Variants in RBFOX1 observed in about 807,000 individuals in gnomAD.
RBFOX1 encodes RNA binding fox-1 homolog 1.
RBFOX1 carries 8 observed loss-of-function variants against 57.7 expected under a neutral mutation model. The observed-to-expected ratio is 0.14, with a 90% CI of 0.08 to 0.25. The LOEUF (loss-of-function observed/expected upper bound fraction) is 0.25. Ranked by LOEUF, RBFOX1 falls within the 10% of genes least tolerant of loss-of-function variation. The pLI, the probability that RBFOX1 is intolerant of heterozygous loss-of-function variation, is 1.00. For missense variants in RBFOX1, 611 were observed against 548.5 expected (o/e 1.11, Z -1.14); for synonymous variants, 326 against 222.4 (o/e 1.47, Z -4.15).
chr16:6,153,970 CA>C (rs2096820940), intron 1 of RBFOX1, among the ~76,000 whole-genome samples: 1 of 152,164 alleles, frequency 6.6e-6, no homozygotes, highest in South Asian at 2.1e-4. Flanking sequence ...TGTCAAGCAA[CA>C]ACACAATAAA....
intron 4 of RBFOX1, among the ~76,000 whole-genome samples, chr16:7,444,800 G>C (rs1362231474): frequency 6.6e-6 from 1 of 152,060 alleles, no homozygotes; most frequent in Non-Finnish European, 1.5e-5. Context: ...CCAAAGTGTT[G>C]GGGTTACAGG....
chr16:6,433,751 A>G (rs1053355692), intron 2 of RBFOX1, among the ~76,000 whole-genome samples: 1 of 151,350 alleles, frequency 6.6e-6, no homozygotes, highest in Non-Finnish European at 1.5e-5. Context: ...TCCTTGGCTC[A>G]TGGTCCCTTC....
At chr16:6,334,750 C>G (rs543524117) in intron 2 of RBFOX1, among the ~76,000 whole-genome samples, 2 of 152,014 alleles carry the variant, frequency 1.3e-5, no homozygotes, top group African/African-American at 2.4e-5. Flanking sequence ...GGAACTCAGC[C>G]GGAAAGTGCT....
chr16:5,634,463 G>T (rs940106602), intron 3 of RBFOX1, among the ~76,000 whole-genome samples: 1 of 152,106 alleles, frequency 6.6e-6, no homozygotes, highest in African/African-American at 2.4e-5. Flanking sequence ...ATTGCAAAGG[G>T]AGTAAACAAA....
chr16:7,689,658 T>C (rs1257052348), intron 14 of RBFOX1, among the ~76,000 whole-genome samples: 2 of 151,968 alleles, frequency 1.3e-5, no homozygotes, highest in African/African-American at 4.8e-5. Flanking sequence ...AGAGGTAGAA[T>C]ATAGAAAAGT....
chr16:7,345,189 A>T (rs2096972669), intron 4 of RBFOX1, among the ~76,000 whole-genome samples: 2 of 152,200 alleles, frequency 1.3e-5, no homozygotes, highest in South Asian at 4.1e-4. Context: ...TTCTCTGTCA[A>T]ACATGTCAGT....
At chr16:6,213,912 C>A (rs2097314602) in intron 1 of RBFOX1, among the ~76,000 whole-genome samples, 1 of 152,106 alleles carries the variant, frequency 6.6e-6, no homozygotes, top group South Asian at 2.1e-4. Context: ...TTAGCAGCAT[C>A]CCAGCTCTCT....
chr16:7,671,512 A>G lies in RBFOX1; in HGVS notation c.931-5262A>G, dbSNP rs759418918. 6 of 1,527,848 alleles carry G rather than the reference A, an allele frequency of 3.9e-6. No individual in the cohort carries two copies. The African/African-American group carries it at 6.8e-5, about 17-fold the overall frequency. 94.6% of individuals were successfully genotyped at this position (1,527,848 alleles called of 1,614,324 possible). A position where few individuals can be genotyped will look rare whatever the true frequency, so the allele number is the denominator to read the frequency against. ...CTGACTTATGCATTCTCTTTTATTTATTTCATTTTTGCATTGAAAACATTA... is the reference window on the plus strand; with the variant it reads ...CTGACTTATGCATTCTCTTTTATTTGTTTCATTTTTGCATTGAAAACATTA... On this transcript the variant is annotated intron_variant, in intron 13 of 15. Transcript: ENST00000550418.
intron 3 of RBFOX1, among the ~76,000 whole-genome samples, chr16:6,878,584 C>G (rs374517918): frequency 1.3e-5 from 2 of 152,170 alleles, no homozygotes; most frequent in African/African-American, 2.4e-5. Context: ...TCCTGACTGA[C>G]ACATGCAGTG....
intron 1 of RBFOX1, among the ~76,000 whole-genome samples, chr16:6,170,697 A>G (rs1032052385): frequency 2.0e-5 from 3 of 152,070 alleles, no homozygotes; most frequent in African/African-American, 7.2e-5. Flanking sequence ...TCACCCAAGT[A>G]CTAAGCTTAG....
intron 1 of RBFOX1, among the ~76,000 whole-genome samples, chr16:6,114,086 C>T (rs2096473882): frequency 6.6e-6 from 1 of 152,132 alleles, no homozygotes; most frequent in African/African-American, 2.4e-5. Flanking sequence ...GGTATGTTCT[C>T]ATTATTTTTT....
intron 2 of RBFOX1, among the ~76,000 whole-genome samples, chr16:6,453,148 A>C (rs1413087786): frequency 6.6e-6 from 1 of 152,116 alleles, no homozygotes; most frequent in East Asian, 1.9e-4. Context: ...CTTCTGGGAT[A>C]CATGTACAGA....
chr16:5,735,844 C>T (rs1376111327), intron 3 of RBFOX1, among the ~76,000 whole-genome samples: 1 of 152,048 alleles, frequency 6.6e-6, no homozygotes, highest in Admixed American at 6.5e-5. Context: ...CCACTGCACT[C>T]CAGCCTTGGT....
chr16:6,356,758 G>A (rs142656671), intron 2 of RBFOX1, among the ~76,000 whole-genome samples: 1,878 of 152,272 alleles, frequency 0.012, 15 homozygotes, highest in Middle Eastern at 0.027. Context: ...TCCAAGTGCA[G>A]ACTTTAGTTA....
At chr16:6,906,936 C>G (rs1026088022) in intron 3 of RBFOX1, among the ~76,000 whole-genome samples, 1 of 152,112 alleles carries the variant, frequency 6.6e-6, no homozygotes, top group African/African-American at 2.4e-5. Flanking sequence ...GTTGGCCAGG[C>G]TGGTCTTGAA....
At chr16:6,750,201 C>G (rs993817985) in intron 3 of RBFOX1, among the ~76,000 whole-genome samples, 1 of 152,098 alleles carries the variant, frequency 6.6e-6, no homozygotes, top group Non-Finnish European at 1.5e-5. Context: ...AATAGCAAAA[C>G]CTATTGAATT....
intron 1 of RBFOX1, among the ~76,000 whole-genome samples, chr16:5,306,854 C>G (rs1011568892): frequency 7.2e-5 from 11 of 152,168 alleles, no homozygotes; most frequent in Admixed American, 6.5e-4. Context: ...TCAGCCTCCT[C>G]CATGTTCTCT....
chr16:5,975,483 A>G (rs1280600096), intron 4 of RBFOX1, among the ~76,000 whole-genome samples: 1 of 152,190 alleles, frequency 6.6e-6, no homozygotes. Context: ...TGGGTTGTAT[A>G]CTTATGGTTT....
intron 3 of RBFOX1, among the ~76,000 whole-genome samples, chr16:6,951,274 C>G (rs534722746): frequency 2.0e-4 from 31 of 152,244 alleles, no homozygotes; most frequent in South Asian, 6.2e-4. Context: ...AGTCACCCAT[C>G]TTCTGAGGGG....
Sources: gnomAD v4.1 joint callset for allele counts (sites outside exome capture counted in the v4.1 genomes callset) on GRCh38, gnomAD v4.1.1 for gene constraint, MANE v1.5 for transcripts, NCBI Gene and HGNC (gene_info 2026-07-23, HGNC 2026-07-21) for gene names.